CFAP20DC: variants seen among roughly 807,000 people sequenced by gnomAD.
The protein encoded by CFAP20DC is CFAP20 domain containing.
A neutral mutation model predicts 101.7 loss-of-function variants in CFAP20DC; 84 were observed. The observed-to-expected ratio is 0.83, with a 90% CI of 0.69 to 0.99. CFAP20DC has a LOEUF of 0.99. Ranked by LOEUF, CFAP20DC falls within the 50% of genes least tolerant of loss-of-function variation. The pLI is 0.00. For missense variants in CFAP20DC, 1,007 were observed against 970.3 expected (o/e 1.04, Z -0.50); for synonymous variants, 359 against 351.2 (o/e 1.02, Z -0.25).
At chr3:58,848,878 A>G (rs1022854711) in intron 13 of CFAP20DC, among the ~76,000 whole-genome samples, 154 bp downstream of exon 13, 5 of 152,152 alleles carry the variant, frequency 3.3e-5, no homozygotes, top group Non-Finnish European at 7.4e-5. Flanking sequence ...AACAGCTGCT[A>G]TTACCAAACT....
chr3:58,962,923 C>G (rs2091257676), intron 4 of CFAP20DC, among the ~76,000 whole-genome samples: 1 of 151,994 alleles, frequency 6.6e-6, no homozygotes, highest in Non-Finnish European at 1.5e-5. Flanking sequence ...TGCCAGTCTA[C>G]TGCTTGCCCC....
chr3:58,974,130 G>A (rs1023498068), intron 4 of CFAP20DC, among the ~76,000 whole-genome samples: 1 of 152,138 alleles, frequency 6.6e-6, no homozygotes, highest in Non-Finnish European at 1.5e-5. Context: ...TGTTTTGGGG[G>A]TACATGTGAA....
chr3:58,790,956 T>C lies in CFAP20DC; in HGVS notation c.2237+15439A>G, dbSNP rs1691292164. Among the ~76,000 whole-genome samples the C allele has an allele frequency of 3.3e-5, 5 of 152,280 alleles. No individual in the cohort carries two copies. In the South Asian group the frequency reaches 1.0e-3, roughly 32 times the overall value. On this transcript the variant is annotated intron_variant, in intron 15 of 16. Coordinates refer to ENST00000482387, the MANE Select transcript of CFAP20DC (RefSeq NM_001394063.1). ...ATTTTATGAAAAGTGATGGTTCTACTTATTGTTCTGGAAACAGAACTAGGA... is the reference window on the plus strand; with the variant it reads ...ATTTTATGAAAAGTGATGGTTCTACCTATTGTTCTGGAAACAGAACTAGGA...
At chr3:58,784,284 C>T (rs1575630061) in intron 15 of CFAP20DC, among the ~76,000 whole-genome samples, 1 of 151,934 alleles carries the variant, frequency 6.6e-6, no homozygotes, top group Non-Finnish European at 1.5e-5. Flanking sequence ...CTGCACAGTA[C>T]TCCATCATGT....
intron 4 of CFAP20DC, among the ~76,000 whole-genome samples, chr3:58,945,449 T>C (rs530550296): frequency 6.6e-6 from 1 of 152,182 alleles, no homozygotes; most frequent in Non-Finnish European, 1.5e-5. Context: ...AATCCTTCCT[T>C]TTGATAGGTA....
intron 3 of CFAP20DC, among the ~76,000 whole-genome samples, chr3:59,040,631 T>G (rs868363030): frequency 1.7e-4 from 26 of 152,042 alleles, no homozygotes; most frequent in Admixed American, 5.9e-4. Flanking sequence ...CATGCTATTT[T>G]ATATTATTCC....
rs2067514765 is a variant in CFAP20DC, at chr3:58,724,236, T to TG, written c.198-6609dup. 6.6e-6 allele frequency among the ~76,000 whole-genome samples: 1 copy of TG among 152,110 alleles called. No individual in the cohort carries two copies. Among genetic ancestry groups the TG allele is most frequent in the South Asian group, 2.1e-4 (1 of 4,818 alleles). Reference sequence around the variant, plus strand: ...GTGAAGGCAAACTGGAAAATCACCATGGGGAAGAGACGTGCAAGGTGACTA... The same window carrying TG: ...GTGAAGGCAAACTGGAAAATCACCATGGGGGAAGAGACGTGCAAGGTGACTA... On this transcript the variant is annotated intron_variant, in intron 3 of 3. Coordinates refer to the CFAP20DC transcript ENST00000486145. This position sits in a 1 kb window ranked among gnomAD's most constrained non-coding sequence, Gnocchi z 5.6.
intron 4 of CFAP20DC, among the ~76,000 whole-genome samples, chr3:58,982,323 A>C (rs1576586224): frequency 2.0e-5 from 3 of 152,328 alleles, no homozygotes; most frequent in Non-Finnish European, 4.4e-5. Flanking sequence ...GGGATCTAGA[A>C]CTAGAAATAC....
chr3:58,761,125 T>G (rs1360085717), intron 15 of CFAP20DC, among the ~76,000 whole-genome samples: 2 of 152,226 alleles, frequency 1.3e-5, no homozygotes, highest in Non-Finnish European at 2.9e-5. Context: ...AGCTCCTCCT[T>G]GTACCTCTGG....
intron 6 of CFAP20DC, among the ~76,000 whole-genome samples, chr3:58,911,246 T>A (rs1282323837): frequency 6.6e-6 from 1 of 152,108 alleles, no homozygotes; most frequent in Non-Finnish European, 1.5e-5. Context: ...ATCAGGTATA[T>A]CCATTCAATA....
In CFAP20DC at chr3:58,891,285, G is replaced by A. The variant is rs868464181; in HGVS notation, c.551-6576C>T. 5.5e-3 allele frequency among the ~76,000 whole-genome samples: 752 copies of A among 137,554 alleles called. 7 individuals carry two copies. Among genetic ancestry groups the A allele is most frequent in the African/African-American group, 0.019 (687 of 37,108 alleles). The allele number at this position is 137,554 out of a possible 152,430, so 90.2% of individuals were successfully genotyped here. A position where few individuals can be genotyped will look rare whatever the true frequency, so the allele number is the denominator to read the frequency against. Reference sequence around the variant, plus strand: ...CAAAACCAGTCAGGCGTGGCGGCGCGTGCCTGCAATGGCAGGCACTCTGCA... The same window carrying A: ...CAAAACCAGTCAGGCGTGGCGGCGCATGCCTGCAATGGCAGGCACTCTGCA... On this transcript the variant is annotated intron_variant, in intron 6 of 16. Transcript: ENST00000482387.
chr3:58,806,531 T>C, intron 14 of CFAP20DC, 75 bp from the exon 15 acceptor site: 1 of 1,058,094 alleles, frequency 9.5e-7, no homozygotes. Flanking sequence ...TGCACTCTCA[T>C]TACTGTAACT....
intron 6 of CFAP20DC, among the ~76,000 whole-genome samples, chr3:58,885,403 T>A (rs2081543398): frequency 6.6e-6 from 1 of 152,130 alleles, no homozygotes; most frequent in Admixed American, 6.6e-5. Context: ...GATGTTTACA[T>A]ACACATAATA....
intron 4 of CFAP20DC, among the ~76,000 whole-genome samples, chr3:58,999,503 G>C (rs2093244449): frequency 6.6e-6 from 1 of 152,118 alleles, no homozygotes; most frequent in Non-Finnish European, 1.5e-5. Flanking sequence ...GATAGACAAA[G>C]GGGCCTAAAG....
At chr3:58,999,547 G>A (rs2093246482) in intron 4 of CFAP20DC, among the ~76,000 whole-genome samples, 1 of 152,198 alleles carries the variant, frequency 6.6e-6, no homozygotes, top group African/African-American at 2.4e-5. Flanking sequence ...CCATAATGAT[G>A]GTATCCAGGC....
In CFAP20DC at chr3:58,859,407, T is replaced by TTA. The variant is rs973344605; in HGVS notation, c.1593+4149_1593+4150dup. Among the ~76,000 whole-genome samples the TTA allele has an allele frequency of 1.3e-5, 2 of 152,196 alleles. No individual in the cohort carries two copies. The highest frequency in any genetic ancestry group is 2.9e-5 in the Non-Finnish European group (2 of 68,018). On this transcript the variant is annotated intron_variant, in intron 12 of 16. Coordinates refer to ENST00000482387, the MANE Select transcript of CFAP20DC (RefSeq NM_001394063.1). This position sits in a 1 kb window ranked among gnomAD's most constrained non-coding sequence, Gnocchi z 4.1. ...TCATGTTCTTTTAACTGACAACACTTTAAAGATTTCTTGTGAAAACTATCT... is the reference window on the plus strand; with the variant it reads ...TCATGTTCTTTTAACTGACAACACTTTATAAAGATTTCTTGTGAAAACTATCT...
At chr3:58,776,545 T>C (rs2071355907) in intron 15 of CFAP20DC, among the ~76,000 whole-genome samples, 1 of 151,708 alleles carries the variant, frequency 6.6e-6, no homozygotes, top group Non-Finnish European at 1.5e-5. Flanking sequence ...ATCCTTTTCC[T>C]TTATCTTGTC....
At chr3:58,731,821 C>T (rs1214327002) in intron 3 of CFAP20DC, among the ~76,000 whole-genome samples, 1 of 152,148 alleles carries the variant, frequency 6.6e-6, no homozygotes, top group Non-Finnish European at 1.5e-5. Flanking sequence ...ATGATTAATG[C>T]TCCATCTATT....
intron 4 of CFAP20DC, among the ~76,000 whole-genome samples, chr3:58,989,925 G>A (rs2092881976): frequency 6.6e-6 from 1 of 152,024 alleles, no homozygotes; most frequent in Non-Finnish European, 1.5e-5. Context: ...GAAAGGTGGT[G>A]GTCAAGAGTT....
Sources: allele counts gnomAD v4.1 joint callset (sites outside exome capture counted in the v4.1 genomes callset), GRCh38; gene constraint gnomAD v4.1.1; non-coding constraint Gnocchi (gnomAD v3.1); transcripts MANE v1.5; gene names NCBI Gene and HGNC (gene_info 2026-07-23, HGNC 2026-07-21).